The following CNTN1 variants were observed in gnomAD, a reference collection of about 807,000 sequenced individuals.
CNTN1 encodes contactin 1, also known as contactin-1.
A neutral mutation model predicts 126.4 loss-of-function variants in CNTN1; 38 were observed. The ratio of observed to expected loss-of-function variants is 0.30; its 90% CI spans 0.23 to 0.39. CNTN1 has a LOEUF of 0.39. CNTN1 is among the 10% of genes least tolerant of loss of function. The pLI, the probability that CNTN1 is intolerant of heterozygous loss-of-function variation, is 1.00. For synonymous variants in CNTN1, 413 were observed against 422.6 expected (o/e 0.98, Z 0.28); for missense variants, 1,009 against 1,248.4 (o/e 0.81, Z 2.89).
chr12:40,813,328 C>T (rs1391143402), intron 1 of CNTN1, among the ~76,000 whole-genome samples: 2 of 151,134 alleles, frequency 1.3e-5, no homozygotes, highest in African/African-American at 4.9e-5. Flanking sequence ...GACCCATCCT[C>T]TAAGTTCCCT....
chr12:40,875,071 C>G (rs1228485759), intron 1 of CNTN1, among the ~76,000 whole-genome samples: 2 of 152,118 alleles, frequency 1.3e-5, no homozygotes, highest in Non-Finnish European at 2.9e-5. Flanking sequence ...TCCATCTTGT[C>G]TGCACATTAG....
chr12:40,766,421 G>A (rs1939094753), intron 1 of CNTN1, among the ~76,000 whole-genome samples: 1 of 151,678 alleles, frequency 6.6e-6, no homozygotes, highest in Non-Finnish European at 1.5e-5. Context: ...TGAAGAATGT[G>A]CTCTAAAGGC....
chr12:40,822,146 A>ATTTTTTT (rs1315956279), intron 1 of CNTN1, among the ~76,000 whole-genome samples: 1 of 81,894 alleles, frequency 1.2e-5, no homozygotes, highest in African/African-American at 4.0e-5. Context: ...CAAAATATAA[A>ATTTTTTT]TCTTTTTTTT....
chr12:40,835,829 C>G lies in CNTN1; in HGVS notation c.-76-72528C>G, dbSNP rs1045319651. Among the ~76,000 whole-genome samples the G allele has an allele frequency of 2.6e-5, 4 of 151,424 alleles. No homozygotes were observed. In the East Asian group the frequency reaches 7.7e-4, roughly 29 times the overall value. ...ACACACACACACACACACACACACA[C>G]ACACACACACAAGTTGGAGCAATTT... On this transcript the variant is annotated intron_variant, in intron 1 of 23. Transcript: ENST00000551295.
At chr12:41,007,001 A>G (rs1376252137) in intron 17 of CNTN1, among the ~76,000 whole-genome samples, 2 of 151,148 alleles carry the variant, frequency 1.3e-5, no homozygotes, top group African/African-American at 2.4e-5. Context: ...GAGAGAATCA[A>G]TGAAGAGGCC....
At chr12:40,702,642 G>T (rs1941630278) in intron 1 of CNTN1, among the ~76,000 whole-genome samples, 1 of 151,862 alleles carries the variant, frequency 6.6e-6, no homozygotes, top group Non-Finnish European at 1.5e-5. Flanking sequence ...GGCCATGTTG[G>T]CCAGGCTGGT....
At chr12:40,972,836 A>G (rs1180782565) in intron 15 of CNTN1, 1 of 166,052 alleles carries the variant, frequency 6.0e-6, no homozygotes, top group African/African-American at 2.4e-5. Flanking sequence ...CCATACTGAA[A>G]TTATACAACC....
intron 1 of CNTN1, among the ~76,000 whole-genome samples, chr12:40,703,376 T>G (rs1366312362): frequency 6.6e-6 from 1 of 152,216 alleles, no homozygotes; most frequent in Admixed American, 6.5e-5. Flanking sequence ...TAAACTCCCC[T>G]GCTTTCATCG....
intron 17 of CNTN1, among the ~76,000 whole-genome samples, chr12:41,002,779 G>A (rs536731206): frequency 2.0e-5 from 3 of 151,920 alleles, no homozygotes; most frequent in East Asian, 3.9e-4. Context: ...GTGTGGTCTC[G>A]ATCTCCTGAC....
At chr12:40,950,219 A>G (rs77498897) in intron 14 of CNTN1, among the ~76,000 whole-genome samples, 2,839 of 151,834 alleles carry the variant, frequency 0.019, 87 homozygotes, top group African/African-American at 0.064. Flanking sequence ...TCTGGCCCAA[A>G]TTATCGATAG....
intron 1 of CNTN1, among the ~76,000 whole-genome samples, chr12:40,899,997 C>T (rs1944551946): frequency 6.6e-6 from 1 of 152,016 alleles, no homozygotes; most frequent in African/African-American, 2.4e-5. Context: ...GAAACCCTTG[C>T]TCTGTGCTCT....
At chr12:41,067,237 A>G (rs1313655600) in intron 23 of CNTN1, among the ~76,000 whole-genome samples, 1 of 152,186 alleles carries the variant, frequency 6.6e-6, no homozygotes, top group Non-Finnish European at 1.5e-5. Context: ...AAACATGGAG[A>G]GTTTATTTCA....
At chr12:40,711,328 G>A (rs577807969) in intron 1 of CNTN1, among the ~76,000 whole-genome samples, 1 of 151,940 alleles carries the variant, frequency 6.6e-6, no homozygotes, top group Admixed American at 6.6e-5. Flanking sequence ...CAGAATTACT[G>A]GTCTGTAGTT....
chr12:40,906,669 C>CTTTTTTTTTT lies in CNTN1; in HGVS notation c.-76-1679_-76-1678insTTTTTTTTTT, dbSNP rs111442544. On this transcript the variant is annotated intron_variant, in intron 1 of 23. Coordinates refer to ENST00000551295, the MANE Select transcript of CNTN1 (RefSeq NM_001843.4). ...TTTCCTTTTAAAATTGTTTTTCATG[C>CTTTTTTTTTT]TTTTTTTTTGTTTTGTTTTTTTTGA... is the stretch of plus-strand genomic sequence containing the variant. Among the ~76,000 whole-genome samples, 563 of 106,952 alleles carry CTTTTTTTTTT rather than the reference C, an allele frequency of 5.3e-3. 52 individuals are homozygous for CTTTTTTTTTT. Among genetic ancestry groups the CTTTTTTTTTT allele is most frequent in the Non-Finnish European group, 6.3e-3 (333 of 53,178 alleles). 70.2% of individuals were successfully genotyped at this position (106,952 alleles called of 152,430 possible). A position where few individuals can be genotyped will look rare whatever the true frequency, so the allele number is the denominator to read the frequency against.
chr12:40,734,480 C>T (rs991516198), intron 1 of CNTN1, among the ~76,000 whole-genome samples: 14 of 152,080 alleles, frequency 9.2e-5, no homozygotes, highest in Non-Finnish European at 2.1e-4. Flanking sequence ...AGCAGGGCAT[C>T]GTGGATGAAG....
intron 1 of CNTN1, among the ~76,000 whole-genome samples, chr12:40,833,296 A>G (rs1381838720): frequency 6.6e-6 from 1 of 152,036 alleles, no homozygotes; most frequent in Admixed American, 6.6e-5. Context: ...GGGTTTCACC[A>G]TGTTGGCCAG....
intron 1 of CNTN1, among the ~76,000 whole-genome samples, chr12:40,710,093 C>T (rs1941874931): frequency 6.6e-6 from 1 of 152,124 alleles, no homozygotes; most frequent in Admixed American, 6.6e-5. Flanking sequence ...TGGGACTCTT[C>T]CTTTCAATTG....
chr12:41,039,910 AAACTCTCAACTC>A (rs1486899857), intron 23 of CNTN1, among the ~76,000 whole-genome samples: 4 of 152,162 alleles, frequency 2.6e-5, no homozygotes, highest in African/African-American at 9.7e-5. Flanking sequence ...TGTTAGTAAC[AAACTCTCAACTC>A]AACTCTCAAC....
chr12:40,972,779 C>A, intron 15 of CNTN1: 1 of 363,150 alleles, frequency 2.8e-6, no homozygotes, highest in Non-Finnish European at 3.8e-6. Flanking sequence ...GTAAACAGCA[C>A]CATGGAGACA....
Sources: allele counts gnomAD v4.1 joint callset (sites outside exome capture counted in the v4.1 genomes callset), GRCh38; gene constraint gnomAD v4.1.1; transcripts MANE v1.5; gene names NCBI Gene and HGNC (gene_info 2026-07-23, HGNC 2026-07-21).